The following GLRA3 variants were observed in gnomAD, a reference collection of about 807,000 sequenced individuals.
GLRA3 encodes glycine receptor subunit alpha-3.
Under a neutral mutation model 60.4 loss-of-function variants are expected in GLRA3, and 44 were observed. The ratio of observed to expected loss-of-function variants is 0.73; its 90% CI spans 0.57 to 0.94. GLRA3 has a LOEUF of 0.94. Among genes scored for constraint, GLRA3 ranks in the 40% least tolerant of loss-of-function variants. The probability of loss-of-function intolerance (pLI) is 0.00; values close to 1 mark genes in which losing one functional copy is unlikely to be tolerated. For missense variants in GLRA3, 508 were observed against 564.6 expected, an observed-to-expected ratio of 0.90 and a Z score of 1.02; for synonymous variants, 223 against 192.9, an observed-to-expected ratio of 1.16 and a Z score of -1.29.
At chr4:174,804,608 G>C (rs1739957996) in intron 1 of GLRA3, among the ~76,000 whole-genome samples, 1 of 152,100 alleles carries the variant, frequency 6.6e-6, no homozygotes, top group Non-Finnish European at 1.5e-5. Flanking sequence ...TCATTCATCT[G>C]GGATAACACC....
At chr4:174,743,839 A>G (rs1004010621) in intron 3 of GLRA3, among the ~76,000 whole-genome samples, 3 of 152,198 alleles carry the variant, frequency 2.0e-5, no homozygotes, top group Non-Finnish European at 4.4e-5. Context: ...AAATTGAAAA[A>G]AAACACAAAT....
At chr4:174,805,497 T>C (rs1030225257) in intron 1 of GLRA3, among the ~76,000 whole-genome samples, 6 of 152,110 alleles carry the variant, frequency 3.9e-5, no homozygotes, top group African/African-American at 1.4e-4. Flanking sequence ...ATTGACTTCC[T>C]GCCCATTTCA....
chr4:174,726,765 C>T (rs753425914), intron 4 of GLRA3, among the ~76,000 whole-genome samples: 8 of 150,714 alleles, frequency 5.3e-5, no homozygotes, highest in Non-Finnish European at 1.0e-4. Context: ...TTGTACTTAG[C>T]AGGTAGAATA....
At chr4:174,738,377 T>C (rs1008689130) in intron 3 of GLRA3, among the ~76,000 whole-genome samples, 1 of 152,254 alleles carries the variant, frequency 6.6e-6, no homozygotes, top group Non-Finnish European at 1.5e-5. Context: ...TTAATATTTC[T>C]ACATTTACAG....
intron 5 of GLRA3, among the ~76,000 whole-genome samples, chr4:174,702,353 A>C (rs932804587): frequency 6.6e-6 from 1 of 152,242 alleles, no homozygotes; most frequent in Non-Finnish European, 1.5e-5. Flanking sequence ...GCTATTGCAC[A>C]CTTATAGGCT....
chr4:174,642,430 A>G lies in GLRA3; in HGVS notation c.*1356T>C, dbSNP rs1732648168. The G allele has an allele frequency of 2.1e-6, 2 of 971,682 alleles. No homozygotes were observed. The highest frequency in any genetic ancestry group is 2.4e-6 in the Non-Finnish European group (2 of 817,552). The allele number at this position is 971,682 out of a possible 1,614,324, so 60.2% of individuals were successfully genotyped here. On this transcript the variant is annotated 3_prime_UTR_variant, in exon 10 of 10. Coordinates refer to ENST00000274093, the MANE Select transcript of GLRA3 (RefSeq NM_006529.4). ...TAAAAAGCATTCCAAAGCTTTTCCA[A>G]ATAAATTTATGGTAAAAATAGTTAA...
chr4:174,677,165 A>C lies in GLRA3; in HGVS notation c.840T>G (p.Asp280Glu). Residue 280 changes from aspartate to glutamate, a missense_variant, in exon 7 of 10, where the codon GAT becomes GAG. Asp to Glu is a conservative substitution (Grantham distance 45). Around this residue, in one of 3 missense-constraint regions of GLRA3, gnomAD observed 329 missense variants for 349.3 expected, o/e 0.94. Transcript: ENST00000274093. Reference protein sequence around the residue: ...LSWVSFWINMDAAPARVALGI... With the variant: ...LSWVSFWINMEAAPARVALGI... ...CCAGAGCTACCCTGGCCGGTGCTGC[A>C]TCCATGTTGATCCAGAATGAAACCC... 6.2e-7 allele frequency: 1 copy of C among 1,613,008 alleles called. No individual in the cohort carries two copies. The highest frequency in any genetic ancestry group is 8.5e-7 in the Non-Finnish European group (1 of 1,179,030).
chr4:174,787,491 A>G (rs1374509544), intron 2 of GLRA3, among the ~76,000 whole-genome samples: 1 of 151,508 alleles, frequency 6.6e-6, no homozygotes, highest in African/African-American at 2.4e-5. Flanking sequence ...TTTCATTTGT[A>G]TATTGTACCC....
At chr4:174,746,116 A>G (rs748218498) in intron 3 of GLRA3, among the ~76,000 whole-genome samples, 7 of 152,176 alleles carry the variant, frequency 4.6e-5, no homozygotes, top group Non-Finnish European at 1.0e-4. Context: ...TAGAACTACC[A>G]CACAATCCAG....
intron 5 of GLRA3, among the ~76,000 whole-genome samples, chr4:174,683,905 A>G (rs1214687723): frequency 6.6e-6 from 1 of 152,164 alleles, no homozygotes; most frequent in Non-Finnish European, 1.5e-5. Context: ...TGATTCACCA[A>G]TTTCTTAGAT....
chr4:174,823,515 ACT>A (rs1015227341), intron 1 of GLRA3, among the ~76,000 whole-genome samples: 2 of 152,062 alleles, frequency 1.3e-5, no homozygotes, highest in Non-Finnish European at 2.9e-5. Flanking sequence ...ACAGAGCGAG[ACT>A]CTGTCTCAAA....
At chr4:174,760,611 C>T (rs1186864767) in intron 3 of GLRA3, among the ~76,000 whole-genome samples, 1 of 152,098 alleles carries the variant, frequency 6.6e-6, no homozygotes, top group Non-Finnish European at 1.5e-5. Flanking sequence ...AACTCCGCCT[C>T]CTGGGTTCAA....
chr4:174,637,013 T>G lies in GLRA3; in HGVS notation c.*6773A>C, dbSNP rs1561025060. 1 of 152,204 alleles carries G rather than the reference T, an allele frequency of 6.6e-6. No individual in the cohort carries two copies. Among genetic ancestry groups the G allele is most frequent in the East Asian group, 1.9e-4 (1 of 5,192 alleles). 9.4% of individuals were successfully genotyped at this position (152,204 alleles called of 1,614,324 possible). On this transcript the variant is annotated 3_prime_UTR_variant, in exon 10 of 10. Coordinates refer to ENST00000274093, the MANE Select transcript of GLRA3 (RefSeq NM_006529.4). ...ACTGTTCACAGGTTAATGACTCTGATAGAGAGTCTGTTAGTTGCAAAATTG... is the reference window on the plus strand; with the variant it reads ...ACTGTTCACAGGTTAATGACTCTGAGAGAGAGTCTGTTAGTTGCAAAATTG...
intron 1 of GLRA3, 122 bp from the exon 2 acceptor site, chr4:174,789,065 A>G: frequency 1.7e-6 from 1 of 579,552 alleles, no homozygotes; most frequent in Admixed American, 3.5e-5. Context: ...AAACCTTTAG[A>G]TATCATACAG....
At chr4:174,717,517 C>G (rs1735973543) in intron 4 of GLRA3, among the ~76,000 whole-genome samples, 2 of 152,164 alleles carry the variant, frequency 1.3e-5, no homozygotes, top group Non-Finnish European at 2.9e-5. Context: ...GATGTATAGT[C>G]TACAGAGAGT....
At chr4:174,806,869 A>G (rs1740073141) in intron 1 of GLRA3, among the ~76,000 whole-genome samples, 1 of 152,060 alleles carries the variant, frequency 6.6e-6, no homozygotes, top group Non-Finnish European at 1.5e-5. Context: ...TTAGTTGTAT[A>G]TATGTGGTAA....
chr4:174,714,032 C>G (rs1735816633), intron 5 of GLRA3, among the ~76,000 whole-genome samples: 1 of 152,204 alleles, frequency 6.6e-6, no homozygotes, highest in Non-Finnish European at 1.5e-5. Flanking sequence ...TCAGTGACTT[C>G]ACAACCACTG....
intron 3 of GLRA3, among the ~76,000 whole-genome samples, chr4:174,738,379 C>A (rs1028684340): frequency 6.6e-6 from 1 of 152,292 alleles, no homozygotes; most frequent in African/African-American, 2.4e-5. Flanking sequence ...AATATTTCTA[C>A]ATTTACAGGT....
At chr4:174,798,838 G>A (rs1308281869) in intron 1 of GLRA3, among the ~76,000 whole-genome samples, 5 of 152,138 alleles carry the variant, frequency 3.3e-5, no homozygotes, top group Admixed American at 1.3e-4. Context: ...GCAGAATGCC[G>A]TGAACCCGGG....
Sources: gnomAD v4.1 joint callset for allele counts (sites outside exome capture counted in the v4.1 genomes callset) on GRCh38, gnomAD v4.1.1 for gene constraint, gnomAD v4.1.1 regional missense constraint, MANE v1.5 for transcripts, NCBI Gene and HGNC (gene_info 2026-07-23, HGNC 2026-07-21) for gene names.